Variants in MBNL2 observed in about 807,000 individuals in gnomAD.
The protein encoded by MBNL2 is muscleblind-like protein 2.
A neutral mutation model predicts 41.9 loss-of-function variants in MBNL2; 17 were observed. The observed-to-expected ratio is 0.41, with a 90% confidence interval of 0.28 to 0.61. The LOEUF (loss-of-function observed/expected upper bound fraction) is 0.61, where lower values mean the gene tolerates loss of function less well. MBNL2 is among the 20% of genes least tolerant of loss of function. The pLI, the probability that MBNL2 is intolerant of heterozygous loss-of-function variation, is 0.35. For missense variants in MBNL2, 336 were observed against 505.6 expected, an observed-to-expected ratio of 0.66 and a Z score of 3.22; for synonymous variants, 195 against 182.9, an observed-to-expected ratio of 1.07 and a Z score of -0.53.
intron 2 of MBNL2, among the ~76,000 whole-genome samples, chr13:97,282,879 G>A (rs557844668): frequency 4.6e-5 from 7 of 152,284 alleles, no homozygotes; most frequent in Middle Eastern, 3.4e-3. Context: ...AGCACCTAGC[G>A]TGGCATCTGG....
the MBNL2 span, among the ~76,000 whole-genome samples, chr13:97,155,215 T>G: frequency 6.6e-6 from 1 of 152,096 alleles, no homozygotes; most frequent in African/African-American, 2.4e-5. Context: ...GAAATATGTT[T>G]TCCATTCTCT....
At chr13:97,200,908 T>C in the MBNL2 span, among the ~76,000 whole-genome samples, 1 of 152,162 alleles carries the variant, frequency 6.6e-6, no homozygotes, top group Non-Finnish European at 1.5e-5. Flanking sequence ...GGTCCTGCAA[T>C]ACTATGCTAT....
At chr13:97,250,236 A>T (rs900803668) in intron 1 of MBNL2, among the ~76,000 whole-genome samples, 1 of 152,086 alleles carries the variant, frequency 6.6e-6, no homozygotes, top group Non-Finnish European at 1.5e-5. Context: ...TATATTGTGT[A>T]AAAAAAAGTT....
At chr13:97,158,218 A>C in the MBNL2 span, among the ~76,000 whole-genome samples, 1 of 151,706 alleles carries the variant, frequency 6.6e-6, no homozygotes. Flanking sequence ...GGTAGTTTGT[A>C]TTTCTGTGGG....
At chr13:97,231,801 G>GT (rs542110538) in intron 1 of MBNL2, among the ~76,000 whole-genome samples, 2,231 of 146,730 alleles carry the variant, frequency 0.015, 19 homozygotes, top group African/African-American at 0.032. Flanking sequence ...CTCCAGAGTT[G>GT]TTTTTTTTTT....
intron 2 of MBNL2, among the ~76,000 whole-genome samples, chr13:97,294,768 A>G (rs1339263892): frequency 6.6e-6 from 1 of 152,206 alleles, no homozygotes; most frequent in Non-Finnish European, 1.5e-5. Flanking sequence ...TAAAGTTTCC[A>G]TTTGTCATAA....
chr13:97,214,923 C>T, the MBNL2 span, among the ~76,000 whole-genome samples: 1 of 152,222 alleles, frequency 6.6e-6, no homozygotes, highest in East Asian at 1.9e-4. Context: ...CCTCTTTGTG[C>T]TTATATTTAC....
chr13:97,295,803 C>T (rs1264783039), intron 2 of MBNL2, among the ~76,000 whole-genome samples: 1 of 152,118 alleles, frequency 6.6e-6, no homozygotes, highest in Admixed American at 6.6e-5. Context: ...TAATCATGAA[C>T]TCTTCAACAT....
intron 2 of MBNL2, among the ~76,000 whole-genome samples, chr13:97,285,850 G>A (rs1007166298): frequency 2.6e-5 from 4 of 152,070 alleles, no homozygotes; most frequent in Non-Finnish European, 5.9e-5. Flanking sequence ...TCACCTCATT[G>A]GCCACTCTTC....
intron 1 of MBNL2, among the ~76,000 whole-genome samples, chr13:97,229,830 G>T (rs983479562): frequency 2.0e-5 from 3 of 152,228 alleles, no homozygotes; most frequent in African/African-American, 7.2e-5. Context: ...GGACTTGTAA[G>T]ATAGGGTTAG....
At chr13:97,371,130 C>T (rs867233298) in intron 8 of MBNL2, among the ~76,000 whole-genome samples, 1 of 152,050 alleles carries the variant, frequency 6.6e-6, no homozygotes, top group Non-Finnish European at 1.5e-5. Context: ...TTATAATATT[C>T]TAAGTTGTAA....
chr13:97,273,672 T>C (rs2051554210), intron 1 of MBNL2, among the ~76,000 whole-genome samples: 1 of 152,222 alleles, frequency 6.6e-6, no homozygotes, highest in African/African-American at 2.4e-5. Flanking sequence ...CCAAGAGATG[T>C]CCTGCTTAAA....
rs768820298 is a variant in MBNL2 at position 97,276,248 on chromosome 13, G to A, written c.13G>A (p.Val5Ile). The change falls in exon 2 of 9, where the codon GTT becomes ATT. Residue 5 changes from valine to isoleucine, a missense_variant. Transcript: ENST00000679496. ...TTACTTTATCACCATGGCTTTGAAC[G>A]TTGCCCCAGTCAGAGATACAAAATG... MALN[V>I]APVRDTKWLT... 2.9e-5 allele frequency: 47 copies of A among 1,613,258 alleles called. No individual in the cohort carries two copies. The East Asian group carries it at 6.5e-4, about 22-fold the overall frequency.
chr13:97,338,158 G>A (rs531673787), intron 3 of MBNL2, among the ~76,000 whole-genome samples: 1 of 152,230 alleles, frequency 6.6e-6, no homozygotes, highest in East Asian at 1.9e-4. Context: ...CCTTGATCAT[G>A]ACCTATGGCT....
At chr13:97,353,992 G>A (rs1428791860) in intron 5 of MBNL2, among the ~76,000 whole-genome samples, 2 of 148,672 alleles carry the variant, frequency 1.3e-5, no homozygotes, top group Non-Finnish European at 3.0e-5. Flanking sequence ...TCTGATGTAG[G>A]CACTTGGTTC....
chr13:97,198,008 A>G, the MBNL2 span, among the ~76,000 whole-genome samples: 2 of 152,202 alleles, frequency 1.3e-5, no homozygotes, highest in Non-Finnish European at 1.5e-5. Flanking sequence ...TGAGCATCTC[A>G]TAGGCATCTC....
intron 8 of MBNL2, among the ~76,000 whole-genome samples, chr13:97,369,834 T>C (rs1303980274): frequency 6.6e-6 from 1 of 152,196 alleles, no homozygotes; most frequent in Non-Finnish European, 1.5e-5. Context: ...AAATATAAAA[T>C]GTTTTTTGAT....
At chr13:97,325,956 C>T (rs2059879587) in intron 2 of MBNL2, among the ~76,000 whole-genome samples, 1 of 149,394 alleles carries the variant, frequency 6.7e-6, no homozygotes, top group African/African-American at 2.5e-5. Flanking sequence ...TCCCAAAGCA[C>T]CTGTGGTGGC....
At chr13:97,385,661 A>C (rs2065867065) in intron 8 of MBNL2, among the ~76,000 whole-genome samples, 1 of 152,218 alleles carries the variant, frequency 6.6e-6, no homozygotes, top group South Asian at 2.1e-4. Context: ...AAGTATAAAC[A>C]CTTCTAGAAG....
Sources: allele counts gnomAD v4.1 joint callset (sites outside exome capture counted in the v4.1 genomes callset), GRCh38; gene constraint gnomAD v4.1.1; transcripts MANE v1.5; gene names NCBI Gene and HGNC (gene_info 2026-07-23, HGNC 2026-07-21).